Variants in SLC35F3 observed in about 807,000 individuals in gnomAD.
SLC35F3 encodes putative thiamine transporter SLC35F3.
In SLC35F3, 25 loss-of-function variants were observed where a neutral mutation model predicts 49.9. The ratio of observed to expected loss-of-function variants is 0.50; its 90% CI spans 0.37 to 0.70. SLC35F3 has a LOEUF of 0.70. Among genes scored for constraint, SLC35F3 ranks in the 30% least tolerant of loss-of-function variants. The pLI, the probability that SLC35F3 is intolerant of heterozygous loss-of-function variation, is 0.00. For missense variants in SLC35F3, 525 were observed against 639.8 expected, an observed-to-expected ratio of 0.82 and a Z score of 1.94; for synonymous variants, 275 against 265.4, an observed-to-expected ratio of 1.04 and a Z score of -0.35.
At position 233,951,351 on chromosome 1, in the gene SLC35F3, C is replaced by G. The variant is rs867121609; in HGVS notation, c.283+45593C>G. On this transcript the variant is annotated intron_variant, in intron 2 of 7. Coordinates refer to ENST00000366618, the MANE Select transcript of SLC35F3 (RefSeq NM_173508.4). Reference sequence around the variant, plus strand: ...AGTAGTGTACAGTAATGTTCTAGGCCTTCACGTTCACCCACCACCCACTCA... The same window carrying G: ...AGTAGTGTACAGTAATGTTCTAGGCGTTCACGTTCACCCACCACCCACTCA... Among the ~76,000 whole-genome samples, 21 of 151,992 alleles carry G rather than the reference C, an allele frequency of 1.4e-4. No homozygotes were observed. The Middle Eastern group carries it at 0.01, about 74-fold the overall frequency.
intron 3 of SLC35F3, among the ~76,000 whole-genome samples, chr1:234,269,828 C>A (rs1470367820): frequency 6.6e-6 from 1 of 152,128 alleles, no homozygotes; most frequent in Admixed American, 6.5e-5. Context: ...GGCACCCCAA[C>A]CTTCTCTCTT....
At chr1:234,154,328 C>T (rs183871747) in intron 2 of SLC35F3, among the ~76,000 whole-genome samples, 6 of 152,224 alleles carry the variant, frequency 3.9e-5, no homozygotes, top group Admixed American at 3.9e-4. Context: ...AAGCACACAC[C>T]CTAATGTCTT....
At chr1:234,090,950 G>A (rs1175604782) in intron 2 of SLC35F3, among the ~76,000 whole-genome samples, 1 of 152,170 alleles carries the variant, frequency 6.6e-6, no homozygotes, top group African/African-American at 2.4e-5. Flanking sequence ...TTTCAACACG[G>A]GGAGGAACAT....
intron 3 of SLC35F3, among the ~76,000 whole-genome samples, chr1:234,256,783 G>T (rs987376407): frequency 6.6e-6 from 1 of 152,222 alleles, no homozygotes; most frequent in African/African-American, 2.4e-5. Flanking sequence ...AAATATTCGT[G>T]ACTGCTCCTA....
intron 2 of SLC35F3, among the ~76,000 whole-genome samples, chr1:233,906,060 G>A (rs975307282): frequency 6.6e-6 from 1 of 152,232 alleles, no homozygotes; most frequent in African/African-American, 2.4e-5. Context: ...GTGGGAAACA[G>A]ATCAGAAACT....
chr1:234,222,917 C>T (rs11576137), intron 2 of SLC35F3, among the ~76,000 whole-genome samples: 17,622 of 152,126 alleles, frequency 0.12, 2,850 homozygotes, highest in East Asian at 0.8. Context: ...CATCATGTGC[C>T]CAGGCCACAG....
intron 2 of SLC35F3, among the ~76,000 whole-genome samples, chr1:234,130,040 T>C (rs1455073490): frequency 2.0e-5 from 3 of 152,148 alleles, no homozygotes; most frequent in African/African-American, 4.8e-5. Context: ...GTTGGTGTCA[T>C]CAAATATAAA....
At chr1:234,090,280 G>T (rs577057978) in intron 2 of SLC35F3, among the ~76,000 whole-genome samples, 2 of 152,386 alleles carry the variant, frequency 1.3e-5, no homozygotes, top group South Asian at 4.1e-4. Context: ...CTTTGCCTTA[G>T]AATGGGTAAG....
intron 2 of SLC35F3, among the ~76,000 whole-genome samples, chr1:234,004,402 A>G (rs569786438): frequency 6.6e-6 from 1 of 152,294 alleles, no homozygotes; most frequent in East Asian, 1.9e-4. Context: ...AACACACAGA[A>G]TAGTGTAATA....
intron 2 of SLC35F3, among the ~76,000 whole-genome samples, chr1:233,912,250 C>T (rs972488983): frequency 2.6e-5 from 4 of 152,102 alleles, no homozygotes; most frequent in Admixed American, 6.6e-5. Flanking sequence ...GAGGCCAAGG[C>T]GGGTGAATCA....
At chr1:234,208,121 C>T (rs1666999902) in intron 2 of SLC35F3, among the ~76,000 whole-genome samples, 1 of 152,218 alleles carries the variant, frequency 6.6e-6, no homozygotes. Context: ...TTGGTGGCCA[C>T]TGCAGGTTGG....
intron 2 of SLC35F3, among the ~76,000 whole-genome samples, chr1:233,908,269 C>G (rs1661808679): frequency 1.3e-5 from 2 of 151,886 alleles, no homozygotes; most frequent in Non-Finnish European, 1.5e-5. Context: ...ACCTTTCAGT[C>G]ATCTTTCAAA....
chr1:234,012,021 G>T (rs1663728722), intron 2 of SLC35F3, among the ~76,000 whole-genome samples: 1 of 152,184 alleles, frequency 6.6e-6, no homozygotes, highest in Admixed American at 6.5e-5. Flanking sequence ...TCAGCAAGAA[G>T]AATGCGGTAG....
At chr1:234,087,174 A>G (rs1484343295) in intron 2 of SLC35F3, among the ~76,000 whole-genome samples, 1 of 152,152 alleles carries the variant, frequency 6.6e-6, no homozygotes, top group African/African-American at 2.4e-5. Flanking sequence ...GGTGTGTGCC[A>G]TGCTCATCTA....
At chr1:234,066,097 A>G (rs147426493) in intron 2 of SLC35F3, among the ~76,000 whole-genome samples, 28 of 152,336 alleles carry the variant, frequency 1.8e-4, no homozygotes, top group Middle Eastern at 3.4e-3. Context: ...CTCGCTGGAG[A>G]AAAAATAATT....
At chr1:233,989,649 C>T (rs958636228) in intron 2 of SLC35F3, among the ~76,000 whole-genome samples, 1 of 151,872 alleles carries the variant, frequency 6.6e-6, no homozygotes, top group Non-Finnish European at 1.5e-5. Context: ...AATATTTTCA[C>T]TGAAAAAAAT....
At chr1:234,054,517 G>C (rs1243318113) in intron 2 of SLC35F3, among the ~76,000 whole-genome samples, 2 of 152,144 alleles carry the variant, frequency 1.3e-5, no homozygotes. Context: ...TCTCTATGCT[G>C]TTTATTCTAG....
At chr1:234,112,896 C>A (rs1025616472) in intron 2 of SLC35F3, among the ~76,000 whole-genome samples, 2 of 151,254 alleles carry the variant, frequency 1.3e-5, no homozygotes, top group Non-Finnish European at 3.0e-5. Flanking sequence ...TTCTTAATGA[C>A]CGGTTTCAGA....
chr1:234,159,429 C>G (rs1666196034), intron 2 of SLC35F3, among the ~76,000 whole-genome samples: 1 of 151,942 alleles, frequency 6.6e-6, no homozygotes, highest in African/African-American at 2.4e-5. Context: ...ATATAAAAAT[C>G]AGCTGGGCGT....
Sources: allele counts gnomAD v4.1 joint callset (sites outside exome capture counted in the v4.1 genomes callset), GRCh38; gene constraint gnomAD v4.1.1; transcripts MANE v1.5; gene names NCBI Gene and HGNC (gene_info 2026-07-23, HGNC 2026-07-21).